The following ZNF704 variants were observed in gnomAD, a reference collection of about 807,000 sequenced individuals.
ZNF704 encodes the protein glucocorticoid induced gene 1.
ZNF704 carries 10 observed loss-of-function variants against 44.7 expected under a neutral mutation model. That is an observed-to-expected ratio of 0.22 (90% CI 0.14 to 0.38). The LOEUF (loss-of-function observed/expected upper bound fraction) is 0.38, where lower values mean the gene tolerates loss of function less well. Among genes scored for constraint, ZNF704 ranks in the 10% least tolerant of loss-of-function variants. The pLI is 1.00. For missense variants in ZNF704, 390 were observed against 545.5 expected, an observed-to-expected ratio of 0.71 and a Z score of 2.84; for synonymous variants, 211 against 207.6, an observed-to-expected ratio of 1.02 and a Z score of -0.14.
intron 1 of ZNF704, among the ~76,000 whole-genome samples, chr8:80,866,006 T>A (rs546176758): frequency 6.6e-6 from 1 of 152,328 alleles, no homozygotes; most frequent in South Asian, 2.1e-4. Context: ...TGAACACATA[T>A]ATCAGACTTA....
At chr8:80,848,885 C>T (rs959142850) in intron 1 of ZNF704, among the ~76,000 whole-genome samples, 3 of 152,014 alleles carry the variant, frequency 2.0e-5, no homozygotes, top group Admixed American at 6.6e-5. Flanking sequence ...AGTAAAAGAA[C>T]TTGCTTGAGA....
intron 2 of ZNF704, among the ~76,000 whole-genome samples, chr8:80,779,383 A>G (rs1455696913): frequency 1.3e-5 from 2 of 152,296 alleles, no homozygotes; most frequent in African/African-American, 2.4e-5. Flanking sequence ...CTGGGACCAC[A>G]GGAGCACACC....
chr8:80,746,504 C>T (rs750062420), intron 2 of ZNF704, among the ~76,000 whole-genome samples: 3 of 152,202 alleles, frequency 2.0e-5, no homozygotes, highest in Admixed American at 1.3e-4. Context: ...ATGGGGTTCA[C>T]ATTCTAGCAC....
chr8:80,747,950 C>G (rs899865352), intron 2 of ZNF704, among the ~76,000 whole-genome samples: 1 of 152,136 alleles, frequency 6.6e-6, no homozygotes, highest in African/African-American at 2.4e-5. Context: ...CTCCTGACCT[C>G]GTGATCTGCC....
chr8:80,823,371 G>A (rs1275164572), intron 1 of ZNF704, among the ~76,000 whole-genome samples: 3 of 152,230 alleles, frequency 2.0e-5, no homozygotes, highest in South Asian at 2.1e-4. Context: ...CAAGGCTGGG[G>A]GAGGGGCATC....
In ZNF704 at chr8:80,687,891, C is replaced by T. The variant is rs187951738; in HGVS notation, c.326-433G>A. Reference sequence around the variant, plus strand: ...GAGTTCCCTCTCACCCCAACCCCTCCGATTTCAACATTTTTTTAAAAAGGG... The same window carrying T: ...GAGTTCCCTCTCACCCCAACCCCTCTGATTTCAACATTTTTTTAAAAAGGG... On this transcript the variant is annotated intron_variant, in intron 3 of 8. Transcript: ENST00000327835. Among the ~76,000 whole-genome samples, 60 of 152,260 alleles carry T rather than the reference C, an allele frequency of 3.9e-4. No homozygotes were observed. The East Asian group carries it at 0.011, about 27-fold the overall frequency.
chr8:80,710,050 G>T (rs1280940222), intron 2 of ZNF704, among the ~76,000 whole-genome samples: 1 of 152,174 alleles, frequency 6.6e-6, no homozygotes, highest in Admixed American at 6.5e-5. Context: ...GTCTGCTTAT[G>T]TGCTTTTCCT....
At position 80,672,424 on chromosome 8, in the gene ZNF704, C is replaced by G. The variant is rs556166848; in HGVS notation, c.559-1821G>C. ...CAGCAATCCCATTACTGGGTGTATA[C>G]CCAAAGGAAAATGAATCATTCTACC... On this transcript the variant is annotated intron_variant, in intron 4 of 8. Transcript: ENST00000327835. Among the ~76,000 whole-genome samples the G allele has an allele frequency of 4.6e-5, 7 of 152,248 alleles. 1 individual carries two copies. The East Asian group carries it at 1.4e-3, about 29-fold the overall frequency.
intron 7 of ZNF704, among the ~76,000 whole-genome samples, chr8:80,647,819 C>T (rs1436300069): frequency 2.0e-5 from 3 of 152,070 alleles, no homozygotes; most frequent in African/African-American, 4.8e-5. Flanking sequence ...GCAGCAGGGT[C>T]GGGGAGGCAT....
At chr8:80,881,923 G>T in the ZNF704 span, among the ~76,000 whole-genome samples, 2 of 151,980 alleles carry the variant, frequency 1.3e-5, no homozygotes, top group African/African-American at 2.4e-5. Context: ...CCGAGACTCT[G>T]TCTCAAAAAT....
chr8:80,714,463 TG>T (rs1412619272), intron 2 of ZNF704, among the ~76,000 whole-genome samples: 2 of 152,204 alleles, frequency 1.3e-5, no homozygotes, highest in East Asian at 3.9e-4. Flanking sequence ...AATTCCTTCT[TG>T]ATCAATAAAC....
chr8:80,850,443 G>A (rs188296935), intron 1 of ZNF704, among the ~76,000 whole-genome samples: 72 of 152,106 alleles, frequency 4.7e-4, no homozygotes, highest in Admixed American at 9.8e-4. Context: ...CTGATATGAC[G>A]GCATGACACT....
intron 2 of ZNF704, among the ~76,000 whole-genome samples, chr8:80,805,243 T>C (rs1282458437): frequency 6.6e-6 from 1 of 152,172 alleles, no homozygotes; most frequent in East Asian, 1.9e-4. Context: ...TGCTTTTCCC[T>C]AGCACTTCTA....
intron 4 of ZNF704, among the ~76,000 whole-genome samples, chr8:80,680,211 C>T (rs1009178050): frequency 1.3e-5 from 2 of 152,146 alleles, no homozygotes; most frequent in Admixed American, 6.5e-5. Context: ...AATTATGTAA[C>T]ATTTTTGAAG....
intron 5 of ZNF704, among the ~76,000 whole-genome samples, chr8:80,667,240 C>A (rs181091991): frequency 2.0e-5 from 3 of 152,160 alleles, no homozygotes; most frequent in Admixed American, 6.5e-5. Flanking sequence ...CTGCAGCCCA[C>A]GGCGATGGCT....
chr8:80,757,446 G>A (rs1430689372), intron 2 of ZNF704, among the ~76,000 whole-genome samples: 2 of 151,414 alleles, frequency 1.3e-5, no homozygotes, highest in African/African-American at 4.9e-5. Context: ...TATTAAAAGA[G>A]TCAAAAAGTT....
At chr8:80,768,298 G>A (rs1490627969) in intron 2 of ZNF704, among the ~76,000 whole-genome samples, 1 of 151,604 alleles carries the variant, frequency 6.6e-6, no homozygotes, top group Non-Finnish European at 1.5e-5. Context: ...AAAGCTTTAT[G>A]TGATATGTCC....
At chr8:80,673,862 G>C (rs1818318770) in intron 4 of ZNF704, among the ~76,000 whole-genome samples, 1 of 152,232 alleles carries the variant, frequency 6.6e-6, no homozygotes, top group African/African-American at 2.4e-5. Context: ...GGAGCCCACT[G>C]TTCACATGGG....
chr8:80,752,292 G>A (rs1397623665), intron 2 of ZNF704, among the ~76,000 whole-genome samples: 2 of 151,070 alleles, frequency 1.3e-5, no homozygotes, highest in Non-Finnish European at 2.9e-5. Context: ...TATATGCACT[G>A]TCAAGGGAAA....
Sources: gnomAD v4.1 joint callset for allele counts (sites outside exome capture counted in the v4.1 genomes callset) on GRCh38, gnomAD v4.1.1 for gene constraint, MANE v1.5 for transcripts, NCBI Gene and HGNC (gene_info 2026-07-23, HGNC 2026-07-21) for gene names.